Variants in MEGF9 observed in about 807,000 individuals in gnomAD.
MEGF9 encodes the protein multiple epidermal growth factor-like domains protein 9.
In MEGF9, 6 loss-of-function variants were observed where a neutral mutation model predicts 46.8. That is an observed-to-expected ratio of 0.13 (90% CI 0.07 to 0.25). The LOEUF is 0.25. Ranked by LOEUF, MEGF9 falls within the 10% of genes least tolerant of loss-of-function variation. The probability of loss-of-function intolerance (pLI) is 1.00; values close to 1 mark genes in which losing one functional copy is unlikely to be tolerated. For missense variants in MEGF9, 683 were observed against 792.4 expected (o/e 0.86, Z 1.66); for synonymous variants, 302 against 330.7 (o/e 0.91, Z 0.94).
In MEGF9 at chr9:120,619,776, T is replaced by C. The variant is rs530941657; in HGVS notation, c.943+2840A>G. ...AAAGAACAATTTTTAAGATTTCTAA[T>C]ACTTACTGTCAAATTGCTTTCCAAA... is the stretch of plus-strand genomic sequence containing the variant. On this transcript the variant is annotated intron_variant, in intron 3 of 5. Coordinates refer to ENST00000373930, the MANE Select transcript of MEGF9 (RefSeq NM_001080497.3). Among the ~76,000 whole-genome samples, 124 of 152,362 alleles carry C rather than the reference T, an allele frequency of 8.1e-4. 1 individual carries two copies. Among genetic ancestry groups the C allele is most frequent in the African/African-American group, 2.9e-3 (119 of 41,596 alleles).
At chr9:120,632,138 G>A (rs1407842916) in intron 2 of MEGF9, among the ~76,000 whole-genome samples, 2 of 152,126 alleles carry the variant, frequency 1.3e-5, no homozygotes, top group Non-Finnish European at 2.9e-5. Context: ...TATTGGCCAA[G>A]ATGGTCTTGA....
chr9:120,656,019 A>C (rs2043675083), intron 2 of MEGF9, among the ~76,000 whole-genome samples: 1 of 152,234 alleles, frequency 6.6e-6, no homozygotes, highest in South Asian at 2.1e-4. Flanking sequence ...CACTGAATTG[A>C]GAGATAATGA....
intron 2 of MEGF9, among the ~76,000 whole-genome samples, chr9:120,648,204 T>C (rs2043633875): frequency 2.0e-5 from 3 of 151,994 alleles, no homozygotes; most frequent in South Asian, 4.2e-4. Context: ...TATTCTTCAA[T>C]GGATAAACGT....
At chr9:120,650,167 G>C (rs1165630357) in intron 2 of MEGF9, among the ~76,000 whole-genome samples, 2 of 152,164 alleles carry the variant, frequency 1.3e-5, no homozygotes, top group Admixed American at 6.5e-5. Context: ...TACTTGGGAG[G>C]CTGAGGCAGA....
Position 120,607,923 on chromosome 9 carries a change from T to G in MEGF9, c.1175A>C (p.Asn392Thr). The change falls in exon 5 of 6, where the codon AAT becomes ACT. Residue 392 changes from asparagine to threonine, a missense_variant. Around this residue, in one of 2 missense-constraint regions of MEGF9, gnomAD observed 313 missense variants for 421.1 expected, o/e 0.74. Coordinates refer to ENST00000373930, the MANE Select transcript of MEGF9 (RefSeq NM_001080497.3). ...GCACTTTCTACAGATGCTGTCAAAATTGTAATAGCCATTTTCACATTTATT... is the reference window on the plus strand; with the variant it reads ...GCACTTTCTACAGATGCTGTCAAAAGTGTAATAGCCATTTTCACATTTATT... ...NCNKCENGYYNFDSICRKCQC... is the reference protein window; with the variant it reads ...NCNKCENGYYTFDSICRKCQC... 6.2e-7 allele frequency: 1 copy of G among 1,613,992 alleles called. No individual in the cohort carries two copies. Among genetic ancestry groups the G allele is most frequent in the Non-Finnish European group, 8.5e-7 (1 of 1,179,884 alleles).
chr9:120,627,455 G>A (rs963360296), intron 2 of MEGF9, among the ~76,000 whole-genome samples: 2 of 152,020 alleles, frequency 1.3e-5, no homozygotes, highest in Non-Finnish European at 2.9e-5. Flanking sequence ...ATTATACATA[G>A]TTCTTTCCTT....
chr9:120,651,023 C>T (rs528769799), intron 2 of MEGF9, among the ~76,000 whole-genome samples: 1 of 152,166 alleles, frequency 6.6e-6, no homozygotes, highest in African/African-American at 2.4e-5. Context: ...CATAGTTTTG[C>T]ACAGATTAGA....
intron 3 of MEGF9, among the ~76,000 whole-genome samples, chr9:120,614,918 C>T (rs955648474): frequency 2.6e-5 from 4 of 151,820 alleles, no homozygotes; most frequent in Non-Finnish European, 5.9e-5. Flanking sequence ...CCTTTATATA[C>T]ATATATACAT....
At chr9:120,657,662 T>G (rs1402188345) in intron 2 of MEGF9, among the ~76,000 whole-genome samples, 3 of 152,196 alleles carry the variant, frequency 2.0e-5, no homozygotes, top group African/African-American at 7.2e-5. Context: ...TGAATCTAAC[T>G]TGTATGAGCA....
At chr9:120,643,627 A>T (rs954406249) in intron 2 of MEGF9, among the ~76,000 whole-genome samples, 3 of 152,178 alleles carry the variant, frequency 2.0e-5, no homozygotes, top group Admixed American at 6.5e-5. Context: ...AAATAATATT[A>T]GATTTAAAGA....
intron 1 of MEGF9, among the ~76,000 whole-genome samples, chr9:120,663,460 TC>T (rs1418217415): frequency 6.6e-6 from 1 of 152,108 alleles, no homozygotes; most frequent in Non-Finnish European, 1.5e-5. Flanking sequence ...AATAATGCAA[TC>T]CCCTTAGTAA....
intron 3 of MEGF9, among the ~76,000 whole-genome samples, chr9:120,621,783 G>A (rs2043500381): frequency 6.6e-6 from 1 of 152,128 alleles, no homozygotes; most frequent in South Asian, 2.1e-4. Context: ...CATCTGTTAG[G>A]CAGATATAAT....
chr9:120,698,054 G>C (rs1241651993), intron 1 of MEGF9, among the ~76,000 whole-genome samples: 1 of 152,116 alleles, frequency 6.6e-6, no homozygotes, highest in Non-Finnish European at 1.5e-5. Flanking sequence ...TATTTGGTAG[G>C]TTACTATTAT....
intron 2 of MEGF9, among the ~76,000 whole-genome samples, chr9:120,644,949 T>C (rs77745277): frequency 1.7e-3 from 265 of 152,352 alleles, no homozygotes; most frequent in African/African-American, 6.0e-3. Flanking sequence ...AATTTGTAGT[T>C]CCTTTCTTCT....
intron 2 of MEGF9, among the ~76,000 whole-genome samples, chr9:120,640,043 T>C (rs921056030): frequency 1.3e-5 from 2 of 152,238 alleles, no homozygotes; most frequent in African/African-American, 4.8e-5. Context: ...CCTGAACCAA[T>C]ACCACCCTGT....
intron 2 of MEGF9, among the ~76,000 whole-genome samples, chr9:120,640,500 G>GT (rs1221837762): frequency 6.6e-6 from 1 of 151,696 alleles, no homozygotes; most frequent in Non-Finnish European, 1.5e-5. Flanking sequence ...GGTTTTATGT[G>GT]TTTTTTCCTC....
intron 1 of MEGF9, among the ~76,000 whole-genome samples, chr9:120,669,079 T>G (rs544478212): frequency 6.6e-6 from 1 of 152,320 alleles, no homozygotes; most frequent in African/African-American, 2.4e-5. Context: ...AAAGGTCAAA[T>G]TATATATGGC....
At chr9:120,618,140 G>T (rs2043480352) in intron 3 of MEGF9, among the ~76,000 whole-genome samples, 1 of 152,284 alleles carries the variant, frequency 6.6e-6, no homozygotes, top group Admixed American at 6.5e-5. Flanking sequence ...GGGGGAAAAT[G>T]AGCTAAAACA....
chr9:120,614,425 T>G (rs140834690), intron 3 of MEGF9, among the ~76,000 whole-genome samples: 1 of 152,208 alleles, frequency 6.6e-6, no homozygotes, highest in Non-Finnish European at 1.5e-5. Context: ...TTTTCAATCA[T>G]GTAATTGTAA....
Sources: gnomAD v4.1 joint callset for allele counts (sites outside exome capture counted in the v4.1 genomes callset) on GRCh38, gnomAD v4.1.1 for gene constraint, gnomAD v4.1.1 regional missense constraint, MANE v1.5 for transcripts, NCBI Gene and HGNC (gene_info 2026-07-23, HGNC 2026-07-21) for gene names.